The following PDE11A variants were observed in gnomAD, a reference collection of about 807,000 sequenced individuals.
PDE11A encodes phosphodiesterase 11A.
A neutral mutation model predicts 100.5 loss-of-function variants in PDE11A; 100 were observed. The observed-to-expected ratio is 1.00, with a 90% CI of 0.85 to 1.18. The LOEUF (loss-of-function observed/expected upper bound fraction) is 1.18, where lower values mean the gene tolerates loss of function less well. PDE11A is among the 50% of genes most tolerant of loss of function. The probability of loss-of-function intolerance (pLI) is 0.00; values close to 1 mark genes in which losing one functional copy is unlikely to be tolerated. For missense variants in PDE11A, 1,141 were observed against 1,152.6 expected, an observed-to-expected ratio of 0.99 and a Z score of 0.15; for synonymous variants, 381 against 420.8, an observed-to-expected ratio of 0.91 and a Z score of 1.16.
At chr2:178,028,857 T>C (rs1032679460) in intron 1 of PDE11A, among the ~76,000 whole-genome samples, 18 of 152,206 alleles carry the variant, frequency 1.2e-4, no homozygotes, top group Non-Finnish European at 2.9e-5. Flanking sequence ...ATTTCTGAGG[T>C]GTTCCAGTAA....
At chr2:177,849,668 T>C (rs1324684069) in intron 5 of PDE11A, among the ~76,000 whole-genome samples, 1 of 151,628 alleles carries the variant, frequency 6.6e-6, no homozygotes, top group Non-Finnish European at 1.5e-5. Context: ...TTTCACCATG[T>C]AGTCCCAGCT....
At chr2:177,691,299 G>A (rs1185724679) in intron 15 of PDE11A, among the ~76,000 whole-genome samples, 2 of 152,154 alleles carry the variant, frequency 1.3e-5, no homozygotes, top group Non-Finnish European at 2.9e-5. Context: ...CTTCACACAA[G>A]AAGCCTCTAA....
At chr2:177,630,266 C>T (rs2079898644) in intron 19 of PDE11A, among the ~76,000 whole-genome samples, 1 of 152,122 alleles carries the variant, frequency 6.6e-6, no homozygotes, top group East Asian at 1.9e-4. Context: ...CTCACTTGTG[C>T]CAGACCCTTC....
chr2:177,720,326 C>T (rs1281680930), intron 12 of PDE11A, among the ~76,000 whole-genome samples: 2 of 151,954 alleles, frequency 1.3e-5, no homozygotes, highest in East Asian at 1.9e-4. Context: ...TACTGGATGT[C>T]GCAGCATACC....
At chr2:177,802,192 A>G (rs952807374) in intron 9 of PDE11A, among the ~76,000 whole-genome samples, 6 of 152,122 alleles carry the variant, frequency 3.9e-5, no homozygotes, top group African/African-American at 1.4e-4. Context: ...ACTAAAATTA[A>G]AATCAATGAT....
rs139626499 is a variant in PDE11A at position 178,033,925 on chromosome 2, C to G, written c.913-19465G>C. On this transcript the variant is annotated intron_variant, in intron 1 of 19. Transcript: ENST00000286063. ...TAAATATGGAAAGGAAAAGCTGTTA[C>G]CAGCCACTGCAAAAACACACCAAAA... is the stretch of plus-strand genomic sequence containing the variant. Among the ~76,000 whole-genome samples the G allele has an allele frequency of 3.6e-3, 551 of 152,320 alleles. 3 individuals carry two copies. The highest frequency in any genetic ancestry group is 0.012 in the African/African-American group (506 of 41,570).
rs147162371 is a variant in PDE11A at position 177,718,678 on chromosome 2, A to G, written c.2044-6800T>C. Among the ~76,000 whole-genome samples the G allele has an allele frequency of 2.0e-5, 3 of 152,368 alleles. No homozygotes were observed. In the East Asian group the frequency reaches 5.8e-4, roughly 29 times the overall value. ...TATAGGAAAAAGACTGTTAAGATGT[A>G]TATCAAGATATTATCAGTAGTGGAA... On this transcript the variant is annotated intron_variant, in intron 12 of 19. Coordinates refer to ENST00000286063, the MANE Select transcript of PDE11A (RefSeq NM_016953.4).
At chr2:177,786,138 C>A (rs1367675241) in intron 9 of PDE11A, among the ~76,000 whole-genome samples, 2 of 152,192 alleles carry the variant, frequency 1.3e-5, no homozygotes, top group Non-Finnish European at 2.9e-5. Flanking sequence ...GAGGCATCCC[C>A]CAGTAGGGGC....
intron 4 of PDE11A, among the ~76,000 whole-genome samples, chr2:177,895,089 C>A (rs1446696646): frequency 6.6e-6 from 1 of 151,452 alleles, no homozygotes; most frequent in Non-Finnish European, 1.5e-5. Context: ...ACCTATATAA[C>A]AAACTTGCAC....
chr2:177,950,353 T>G (rs1207386619), intron 2 of PDE11A, among the ~76,000 whole-genome samples: 3 of 152,182 alleles, frequency 2.0e-5, no homozygotes, highest in Non-Finnish European at 4.4e-5. Flanking sequence ...TAACTCACTT[T>G]TGCTTAGTTA....
chr2:177,724,355 G>T (rs886826645), intron 12 of PDE11A, among the ~76,000 whole-genome samples: 2 of 151,302 alleles, frequency 1.3e-5, no homozygotes, highest in African/African-American at 4.9e-5. Flanking sequence ...GAACAAAACC[G>T]CTTTGTTACC....
chr2:177,781,119 T>TA (rs1394411921), intron 9 of PDE11A, among the ~76,000 whole-genome samples: 2 of 152,192 alleles, frequency 1.3e-5, no homozygotes, highest in African/African-American at 4.8e-5. Flanking sequence ...CTGGAACACT[T>TA]AGAGGTCATT....
At chr2:177,794,794 G>GTTTT (rs2082682673) in intron 9 of PDE11A, among the ~76,000 whole-genome samples, 3 of 150,930 alleles carry the variant, frequency 2.0e-5, no homozygotes, top group Admixed American at 6.6e-5. Flanking sequence ...TTGTTTGTTT[G>GTTTT]TTTGTTTTTG....
chr2:177,629,664 A>G (rs1351366736), intron 19 of PDE11A, 102 bp from the exon 20 acceptor site: 1 of 1,143,740 alleles, frequency 8.7e-7, no homozygotes, highest in Admixed American at 1.7e-5. Flanking sequence ...AACTGGCTAT[A>G]GGAAATGAAA....
chr2:177,860,737 A>G (rs962821141), intron 5 of PDE11A, among the ~76,000 whole-genome samples: 1 of 151,808 alleles, frequency 6.6e-6, no homozygotes, highest in Non-Finnish European at 1.5e-5. Context: ...AGGTATGCAC[A>G]CCATGACTGA....
At chr2:177,745,077 A>G (rs2081929556) in intron 10 of PDE11A, among the ~76,000 whole-genome samples, 1 of 152,178 alleles carries the variant, frequency 6.6e-6, no homozygotes, top group African/African-American at 2.4e-5. Context: ...TCCTCATTTT[A>G]TATTGCCCCA....
intron 2 of PDE11A, among the ~76,000 whole-genome samples, chr2:177,979,672 G>A (rs555814871): frequency 1.1e-4 from 15 of 137,000 alleles, no homozygotes; most frequent in African/African-American, 1.7e-4. Context: ...GTGCAGTGGC[G>A]CAATCTCAGC....
At chr2:177,871,423 C>T (rs549675416) in intron 5 of PDE11A, among the ~76,000 whole-genome samples, 1 of 151,976 alleles carries the variant, frequency 6.6e-6, no homozygotes, top group South Asian at 2.1e-4. Context: ...GTGGGAATTC[C>T]GGAGTGGGCA....
At chr2:178,051,988 G>C (rs549125577) in intron 1 of PDE11A, among the ~76,000 whole-genome samples, 2,663 of 152,140 alleles carry the variant, frequency 0.018, 30 homozygotes, top group Non-Finnish European at 0.029. Context: ...CCCAGGAATT[G>C]AACTCAGCTC....
Sources: allele counts gnomAD v4.1 joint callset (sites outside exome capture counted in the v4.1 genomes callset), GRCh38; gene constraint gnomAD v4.1.1; transcripts MANE v1.5; gene names NCBI Gene and HGNC (gene_info 2026-07-23, HGNC 2026-07-21).